The following SGCD variants were observed in gnomAD, a reference collection of about 807,000 sequenced individuals.
SGCD encodes the protein sarcoglycan delta.
SGCD carries 18 observed loss-of-function variants against 36.6 expected under a neutral mutation model. The observed-to-expected ratio is 0.49, with a 90% confidence interval of 0.34 to 0.73. The LOEUF is 0.73. SGCD is among the 30% of genes least tolerant of loss of function. The pLI, the probability that SGCD is intolerant of heterozygous loss-of-function variation, is 0.01. For missense variants in SGCD, 387 were observed against 346.7 expected, an observed-to-expected ratio of 1.12 and a Z score of -0.92; for synonymous variants, 133 against 130.6, an observed-to-expected ratio of 1.02 and a Z score of -0.12.
intron 3 of SGCD, among the ~76,000 whole-genome samples, chr5:156,493,198 T>C (rs1756024983): frequency 1.3e-5 from 2 of 152,172 alleles, no homozygotes; most frequent in African/African-American, 4.8e-5. Context: ...CATTGGAGAA[T>C]GGCTGAATCA....
intron 1 of SGCD, among the ~76,000 whole-genome samples, chr5:155,926,590 T>G (rs967597570): frequency 6.6e-6 from 1 of 152,196 alleles, no homozygotes; most frequent in Non-Finnish European, 1.5e-5. Context: ...CTTTTGCTAA[T>G]CAAATCCAAG....
chr5:155,879,922 A>G (rs1755846243), intron 1 of SGCD, among the ~76,000 whole-genome samples: 2 of 152,168 alleles, frequency 1.3e-5, no homozygotes, highest in South Asian at 4.1e-4. Flanking sequence ...TGTCCTTTAT[A>G]GTAAGAAAGA....
At chr5:156,053,900 G>A (rs1386591469) in intron 1 of SGCD, among the ~76,000 whole-genome samples, 1 of 146,032 alleles carries the variant, frequency 6.8e-6, no homozygotes, top group African/African-American at 2.5e-5. Context: ...TCCCCACATG[G>A]TGGAAGGGGC....
intron 1 of SGCD, among the ~76,000 whole-genome samples, chr5:156,030,235 G>C (rs749043369): frequency 6.6e-6 from 1 of 152,192 alleles, no homozygotes; most frequent in East Asian, 1.9e-4. Flanking sequence ...ATATGTTGAA[G>C]TCCTATCCTG....
At chr5:155,729,849 G>A in the SGCD span, among the ~76,000 whole-genome samples, 2 of 152,220 alleles carry the variant, frequency 1.3e-5, no homozygotes, top group Non-Finnish European at 2.9e-5. Flanking sequence ...GCAGGCAACT[G>A]AGAGGCCATT....
intron 7 of SGCD, among the ~76,000 whole-genome samples, chr5:156,754,534 A>T (rs1757267468): frequency 6.6e-6 from 1 of 152,216 alleles, no homozygotes; most frequent in Non-Finnish European, 1.5e-5. Flanking sequence ...TGAAGAAAGG[A>T]TTACAGAAAA....
intron 3 of SGCD, among the ~76,000 whole-genome samples, chr5:156,234,193 T>C (rs148623369): frequency 2.6e-5 from 4 of 152,324 alleles, no homozygotes; most frequent in Non-Finnish European, 4.4e-5. Flanking sequence ...TGGTGAGATG[T>C]TTATTTACAT....
intron 4 of SGCD, among the ~76,000 whole-genome samples, chr5:156,533,152 A>T (rs139263800): frequency 2.2e-3 from 337 of 152,072 alleles, no homozygotes; most frequent in African/African-American, 8.0e-3. Context: ...TCCTTTCTCT[A>T]CCCATTGTGG....
At chr5:156,516,225 C>CCG (rs1478888866) in intron 4 of SGCD, among the ~76,000 whole-genome samples, 4 of 152,114 alleles carry the variant, frequency 2.6e-5, no homozygotes, top group Admixed American at 6.5e-5. Context: ...GGTGAGACCC[C>CCG]CCACACACAC....
At chr5:155,992,171 C>T (rs1050967246) in intron 1 of SGCD, among the ~76,000 whole-genome samples, 2 of 152,194 alleles carry the variant, frequency 1.3e-5, no homozygotes, top group African/African-American at 2.4e-5. Flanking sequence ...GTTTTGTCAT[C>T]ATGAAAAGCA....
At chr5:156,454,125 A>T (rs1561706272) in intron 3 of SGCD, among the ~76,000 whole-genome samples, 3 of 152,178 alleles carry the variant, frequency 2.0e-5, no homozygotes, top group Non-Finnish European at 4.4e-5. Context: ...CAGACCTCAA[A>T]TTAATCTTTA....
At chr5:156,224,245 TTC>T (rs991070257) in intron 3 of SGCD, among the ~76,000 whole-genome samples, 14 of 152,008 alleles carry the variant, frequency 9.2e-5, no homozygotes, top group South Asian at 2.1e-4. Flanking sequence ...TTCAGTCCTA[TTC>T]TCTCAGACCC....
At chr5:156,304,316 G>C (rs1767141636) in intron 3 of SGCD, among the ~76,000 whole-genome samples, 1 of 152,108 alleles carries the variant, frequency 6.6e-6, no homozygotes, top group East Asian at 1.9e-4. Context: ...CCGGTGGGAG[G>C]TAATTGAATC....
At chr5:156,186,894 C>A (rs1763774338) in intron 3 of SGCD, among the ~76,000 whole-genome samples, 1 of 152,206 alleles carries the variant, frequency 6.6e-6, no homozygotes, top group South Asian at 2.1e-4. Flanking sequence ...CCAAAGTTTT[C>A]CCAAGTCAAT....
intron 3 of SGCD, among the ~76,000 whole-genome samples, chr5:156,170,869 TC>T (rs1365000619): frequency 2.0e-5 from 3 of 152,196 alleles, no homozygotes; most frequent in African/African-American, 7.2e-5. Flanking sequence ...TTTCTCTAGT[TC>T]TCCGCACATG....
chr5:156,096,895 A>C (rs80061347), intron 1 of SGCD, among the ~76,000 whole-genome samples: 2,632 of 152,260 alleles, frequency 0.017, 33 homozygotes, highest in Non-Finnish European at 0.029. Flanking sequence ...TCTGCAGACA[A>C]CACACTGTCT....
chr5:156,289,098 A>G (rs1010413402), intron 3 of SGCD, among the ~76,000 whole-genome samples: 2 of 152,050 alleles, frequency 1.3e-5, no homozygotes, highest in South Asian at 2.1e-4. Context: ...GATTAGTCCT[A>G]TAAAGTTCTC....
intron 3 of SGCD, among the ~76,000 whole-genome samples, chr5:156,192,138 T>A (rs1763906668): frequency 6.6e-6 from 1 of 152,154 alleles, no homozygotes; most frequent in African/African-American, 2.4e-5. Flanking sequence ...ACGGTCTATA[T>A]TTGGGGCTGT....
rs1268835487 is a variant in SGCD, at chr5:156,050,889, A to G, written c.-281-66989A>G. Among the ~76,000 whole-genome samples the G allele has an allele frequency of 2.1e-5, 3 of 146,298 alleles. 1 individual carries two copies. The highest frequency in any genetic ancestry group is 4.6e-5 in the Non-Finnish European group (3 of 64,960). On this transcript the variant is annotated intron_variant, in intron 1 of 9. Transcript: ENST00000517913. ...CATTTTACAAGAACCCTTTGATTAC[A>G]TTGGGCCAACATGGATAATCCAGGC... is the stretch of plus-strand genomic sequence containing the variant.
Sources: allele counts gnomAD v4.1 joint callset (sites outside exome capture counted in the v4.1 genomes callset), GRCh38; gene constraint gnomAD v4.1.1; transcripts MANE v1.5; gene names NCBI Gene and HGNC (gene_info 2026-07-23, HGNC 2026-07-21).